The following VILL variants were observed in gnomAD, a reference collection of about 807,000 sequenced individuals.
VILL encodes the protein villin-like protein.
In VILL, 102 loss-of-function variants were observed where a neutral mutation model predicts 106.3. That is an observed-to-expected ratio of 0.96 (90% confidence interval 0.82 to 1.13). The LOEUF is 1.13. Among genes scored for constraint, VILL ranks in the 50% most tolerant of loss-of-function variants. The probability of loss-of-function intolerance (pLI) is 0.00; values close to 1 mark genes in which losing one functional copy is unlikely to be tolerated. For missense variants in VILL, 1,076 were observed against 1,116.6 expected, an observed-to-expected ratio of 0.96 and a Z score of 0.52; for synonymous variants, 431 against 440.3, an observed-to-expected ratio of 0.98 and a Z score of 0.27.
Position 37,997,013 on chromosome 3 carries a change from G to C in VILL, c.451-64G>C. On this transcript the variant is annotated intron_variant, in intron 5 of 19. Transcript: ENST00000383759. This position sits in a 1 kb window ranked among gnomAD's most constrained non-coding sequence, Gnocchi z 4.7. Reference sequence around the variant, plus strand: ...CTTCATGCACACGTGACACATCCCAGCTATGCTCCCCTCTAGCGGATGCTG... The same window carrying C: ...CTTCATGCACACGTGACACATCCCACCTATGCTCCCCTCTAGCGGATGCTG... 4.8e-6 allele frequency: 7 copies of C among 1,464,540 alleles called. No individual in the cohort carries two copies. The highest frequency in any genetic ancestry group is 6.7e-6 in the Non-Finnish European group (7 of 1,047,590). The allele number at this position is 1,464,540 out of a possible 1,614,324, so 90.7% of individuals were successfully genotyped here.
chr3:37,997,336 G>A lies in VILL; in HGVS notation c.562-147G>A. ...GAGTTACAAGCTGAGTTCAGACCCT[G>A]CATTGTTGGTGTCCCCCTGGATGCC... On this transcript the variant is annotated intron_variant, in intron 6 of 19. Coordinates refer to ENST00000383759, the MANE Select transcript of VILL (RefSeq NM_015873.4). The surrounding 1 kb of genome is among the most constrained non-coding windows in gnomAD (Gnocchi z 4.7). 1 of 1,154,890 alleles carries A rather than the reference G, an allele frequency of 8.7e-7. No homozygotes were observed. The highest frequency in any genetic ancestry group is 1.2e-6 in the Non-Finnish European group (1 of 804,034). The allele number at this position is 1,154,890 out of a possible 1,614,324, so 71.5% of individuals were successfully genotyped here.
chr3:38,004,610 A>G (rs1233445735), intron 16 of VILL, among the ~76,000 whole-genome samples: 1 of 151,878 alleles, frequency 6.6e-6, no homozygotes, highest in Non-Finnish European at 1.5e-5. Context: ...GGAGATTAGG[A>G]GTGTGTTGGA....
rs114759760 is a variant in VILL, at chr3:38,004,655, G to A, written c.1950+256G>A. ...TAACTGAGACCATGTTTGCAGTTGTGTGTGGCCCTGTGTGCCTTATGATAC... is the reference window on the plus strand; with the variant it reads ...TAACTGAGACCATGTTTGCAGTTGTATGTGGCCCTGTGTGCCTTATGATAC... On this transcript the variant is annotated intron_variant, in intron 16 of 19. Coordinates refer to ENST00000383759, the MANE Select transcript of VILL (RefSeq NM_015873.4). Among the ~76,000 whole-genome samples the A allele has an allele frequency of 4.1e-3, 624 of 152,346 alleles. 2 individuals carry two copies. Among genetic ancestry groups the A allele is most frequent in the African/African-American group, 0.013 (543 of 41,578 alleles).
At chr3:37,993,400 G>A (rs945787661) in intron 1 of VILL, 187 bp from the exon 2 acceptor site, 44 of 479,456 alleles carry the variant, frequency 9.2e-5, no homozygotes, top group Non-Finnish European at 1.1e-4. Context: ...GGCTAGGGTG[G>A]CAGAGCAAGA....
intron 19 of VILL, 118 bp from the exon 20 acceptor site, chr3:38,006,821 GGGT>G: frequency 5.2e-6 from 8 of 1,525,346 alleles, no homozygotes; most frequent in Non-Finnish European, 7.1e-6. Flanking sequence ...CTTCTAGCTG[GGGT>G]GGTGGGCAAA....
At position 37,998,137 on chromosome 3, in the gene VILL, C is replaced by T. The variant is rs1278615824; in HGVS notation, c.812C>T (p.Pro271Leu). Residue 271 changes from proline to leucine, a missense_variant, in exon 8 of 20, where the codon CCC (proline) becomes CTC (leucine). Transcript: ENST00000383759. This position sits in a 1 kb window ranked among gnomAD's most constrained non-coding sequence, Gnocchi z 4.1. The part of the protein sequence containing the change: ...KDLVVLELAT[P>L]PLTQDLLQEE... ...CTGGTGGTCCTGGAGTTGGCGACCCCCCCACTGACCCAGGACCTGCTGCAG... is the reference window on the plus strand; with the variant it reads ...CTGGTGGTCCTGGAGTTGGCGACCCTCCCACTGACCCAGGACCTGCTGCAG... The T allele has an allele frequency of 6.2e-7, 1 of 1,613,800 alleles. No homozygotes were observed. Among genetic ancestry groups the T allele is most frequent in the Non-Finnish European group, 8.5e-7 (1 of 1,179,884 alleles).
Position 38,002,668 on chromosome 3 carries a change from C to A in VILL, c.1659+93C>A, listed in dbSNP as rs143069839. 7.8e-5 allele frequency: 111 copies of A among 1,416,670 alleles called. No homozygotes were observed. The African/African-American group carries it at 1.3e-3, about 17-fold the overall frequency. The allele number at this position is 1,416,670 out of a possible 1,614,324, so 87.8% of individuals were successfully genotyped here. On this transcript the variant is annotated intron_variant, in intron 14 of 19. Coordinates refer to ENST00000383759, the MANE Select transcript of VILL (RefSeq NM_015873.4). Reference sequence around the variant, plus strand: ...TCCACAGGGCATGCAGACTTTGAGTCCAGCCTCAGATAGGCCGATGGGGGG... The same window carrying A: ...TCCACAGGGCATGCAGACTTTGAGTACAGCCTCAGATAGGCCGATGGGGGG...
chr3:37,994,329 G>C lies in VILL; in HGVS notation c.204G>C (p.Ala68=). Reference sequence around the variant, plus strand: ...TGCACTACTGGGTCGGGAAGCAGGCGGGTGCGGAAGCGCAGGGCGCTGCGG... The same window carrying C: ...TGCACTACTGGGTCGGGAAGCAGGCCGGTGCGGAAGCGCAGGGCGCTGCGG... ...SDLHYWVGKQ[A]GAEAQGAAEA... The change falls in exon 4 of 20, where the codon GCG becomes GCC. Residue 68 remains alanine, a synonymous_variant. Transcript: ENST00000383759. The C allele has an allele frequency of 6.2e-7, 1 of 1,611,600 alleles. No individual in the cohort carries two copies. Among genetic ancestry groups the C allele is most frequent in the South Asian group, 1.1e-5 (1 of 91,048 alleles).
At position 37,998,909 on chromosome 3, in the gene VILL, C is replaced by T. The variant is rs1699756467; in HGVS notation, c.943-3C>T. The T allele has an allele frequency of 6.3e-7, 1 of 1,594,018 alleles. No homozygotes were observed. ...GCAGGACTGACGATGCCTTCCGCCC[C>T]AGGGCTTCATCCAGGCCAAGGGCTA... On this transcript the variant is annotated splice_polypyrimidine_tract_variant and splice_region_variant and intron_variant, in intron 9 of 19. Coordinates refer to ENST00000383759, the MANE Select transcript of VILL (RefSeq NM_015873.4). The surrounding 1 kb of genome is among the most constrained non-coding windows in gnomAD (Gnocchi z 4.1).
chr3:38,001,343 G>A, intron 11 of VILL, 113 bp from the exon 12 acceptor site: 1 of 1,499,462 alleles, frequency 6.7e-7, no homozygotes. Flanking sequence ...CCCCTGGCCT[G>A]CGTGGATGAG....
At chr3:38,000,878 G>A (rs1488578981) in intron 11 of VILL, 1 of 456,602 alleles carries the variant, frequency 2.2e-6, no homozygotes, top group African/African-American at 2.0e-5. Context: ...CAATATACAG[G>A]TGGGAAAGGC....
Position 37,998,129 on chromosome 3 carries a change from G to A in VILL, c.804G>A (p.Leu268=). Residue 268 remains leucine, a synonymous_variant, in exon 8 of 20, where the codon TTG becomes TTA. Coordinates refer to ENST00000383759, the MANE Select transcript of VILL (RefSeq NM_015873.4). This position sits in a 1 kb window ranked among gnomAD's most constrained non-coding sequence, Gnocchi z 4.1. ...GCAAAGACCTGGTGGTCCTGGAGTT[G>A]GCGACCCCCCCACTGACCCAGGACC... ...EKGKDLVVLE[L]ATPPLTQDLL... The A allele has an allele frequency of 1.2e-6, 2 of 1,613,580 alleles. No homozygotes were observed. Among genetic ancestry groups the A allele is most frequent in the East Asian group, 2.2e-5 (1 of 44,850 alleles).
chr3:38,006,410 T>C, intron 18 of VILL, 39 bp from the exon 19 acceptor site: 1 of 1,578,622 alleles, frequency 6.3e-7, no homozygotes, highest in Non-Finnish European at 8.6e-7. Flanking sequence ...GGGCTACTGA[T>C]TCCCCATCTT....
chr3:37,993,995 C>A, intron 3 of VILL, 23 bp downstream of exon 3: 1 of 1,613,776 alleles, frequency 6.2e-7, no homozygotes, highest in Non-Finnish European at 8.5e-7. Flanking sequence ...GGGAAGTCTG[C>A]CTGAGAGGGG....
chr3:38,005,178 T>C (rs1159937693), intron 16 of VILL, among the ~76,000 whole-genome samples: 2 of 152,108 alleles, frequency 1.3e-5, no homozygotes, highest in Non-Finnish European at 1.5e-5. Context: ...GAATTGGTGA[T>C]GAAGCTGTGT....
At chr3:38,006,107 A>T (rs996543606) in intron 17 of VILL, 74 bp from the exon 18 acceptor site, 52 of 1,608,556 alleles carry the variant, frequency 3.2e-5, no homozygotes, top group Middle Eastern at 1.7e-4. Flanking sequence ...TCTTGTCCTC[A>T]GGCCCCTCAT....
At chr3:37,989,405 A>T (rs145424469), upstream of VILL, among the ~76,000 whole-genome samples, 256 of 152,254 alleles carry the variant, frequency 1.7e-3, 1 homozygote, top group Middle Eastern at 3.4e-3. Flanking sequence ...TGGGAAGGAA[A>T]CTGGAAAACA....
At chr3:38,004,111 C>T (rs934516168) in intron 15 of VILL, 144 bp from the exon 16 acceptor site, 10 of 1,134,286 alleles carry the variant, frequency 8.8e-6, no homozygotes, top group East Asian at 5.1e-5. Context: ...GCGGAGTGCT[C>T]GGGGAGAAAC....
chr3:38,006,727 C>A, intron 19 of VILL, 27 bp downstream of exon 19: 2 of 1,582,034 alleles, frequency 1.3e-6, no homozygotes, highest in Non-Finnish European at 1.7e-6. Flanking sequence ...TGCCCCAGCA[C>A]TAGTGCATCT....
Sources: allele counts gnomAD v4.1 joint callset (sites outside exome capture counted in the v4.1 genomes callset), GRCh38; gene constraint gnomAD v4.1.1; non-coding constraint Gnocchi (gnomAD v3.1); transcripts MANE v1.5; gene names NCBI Gene and HGNC (gene_info 2026-07-23, HGNC 2026-07-21).